The following MCTP1 variants were observed in gnomAD, a reference collection of about 807,000 sequenced individuals.
MCTP1 encodes multiple C2 and transmembrane domain containing 1, also known as multiple C2 and transmembrane domain-containing protein 1.
Under a neutral mutation model 120.6 loss-of-function variants are expected in MCTP1, and 69 were observed. That is an observed-to-expected ratio of 0.57 (90% CI 0.47 to 0.70). The LOEUF (loss-of-function observed/expected upper bound fraction) is 0.70. Ranked by LOEUF, MCTP1 falls within the 30% of genes least tolerant of loss-of-function variation. MCTP1 has a pLI of 0.00. For missense variants in MCTP1, 1,203 were observed against 1,248.8 expected (o/e 0.96, Z 0.55); for synonymous variants, 529 against 493.1 (o/e 1.07, Z -0.96).
intron 1 of MCTP1, among the ~76,000 whole-genome samples, chr5:95,278,546 C>G (rs1305713680): frequency 6.6e-6 from 1 of 152,076 alleles, no homozygotes; most frequent in Non-Finnish European, 1.5e-5. Context: ...AAATAATGAC[C>G]CTCAGTTATC....
chr5:94,795,541 G>A (rs959957161), intron 18 of MCTP1, among the ~76,000 whole-genome samples: 3 of 152,144 alleles, frequency 2.0e-5, no homozygotes, highest in African/African-American at 7.2e-5. Flanking sequence ...ATTTTTCCCA[G>A]GTTTTGAAGT....
chr5:95,007,930 G>T (rs990713456), intron 2 of MCTP1, among the ~76,000 whole-genome samples: 1 of 152,034 alleles, frequency 6.6e-6, no homozygotes, highest in Non-Finnish European at 1.5e-5. Context: ...CTCAACACAG[G>T]ATTTTTTTAA....
intron 1 of MCTP1, among the ~76,000 whole-genome samples, chr5:95,177,655 T>A (rs185576472): frequency 2.3e-4 from 35 of 152,246 alleles, no homozygotes; most frequent in Non-Finnish European, 4.7e-4. Context: ...GATTGGTCAC[T>A]GATCAAGTTG....
At chr5:94,847,025 T>C (rs1792546095) in intron 17 of MCTP1, among the ~76,000 whole-genome samples, 1 of 152,232 alleles carries the variant, frequency 6.6e-6, no homozygotes, top group Non-Finnish European at 1.5e-5. Flanking sequence ...CAGATTTCTG[T>C]GCTCCTAAGA....
intron 19 of MCTP1, among the ~76,000 whole-genome samples, chr5:94,749,318 C>T (rs139608897): frequency 1.1e-4 from 16 of 152,280 alleles, no homozygotes; most frequent in African/African-American, 3.6e-4. Flanking sequence ...ATATGCAACC[C>T]TGTGCCCTGG....
At chr5:94,775,849 GGTAA>G (rs1486033789) in intron 19 of MCTP1, among the ~76,000 whole-genome samples, 1 of 150,326 alleles carries the variant, frequency 6.7e-6, no homozygotes. Flanking sequence ...GAGAATGAAG[GGTAA>G]GTCTGTGGAT....
intron 19 of MCTP1, among the ~76,000 whole-genome samples, chr5:94,772,284 C>T (rs1049902333): frequency 6.6e-6 from 1 of 152,078 alleles, no homozygotes; most frequent in Non-Finnish European, 1.5e-5. Context: ...GATTGTGGAC[C>T]CTGTGCCACC....
intron 17 of MCTP1, among the ~76,000 whole-genome samples, chr5:94,847,631 T>C (rs1295041928): frequency 2.0e-5 from 3 of 148,916 alleles, no homozygotes; most frequent in Non-Finnish European, 4.4e-5. Context: ...ACTGATCATA[T>C]TAAGAAGCAG....
intron 2 of MCTP1, among the ~76,000 whole-genome samples, chr5:94,968,367 T>C (rs1826065512): frequency 6.6e-6 from 1 of 152,204 alleles, no homozygotes; most frequent in Non-Finnish European, 1.5e-5. Flanking sequence ...TTTTTTTGAC[T>C]ATGAGGCCTA....
chr5:95,032,515 G>A (rs1353833365), intron 1 of MCTP1, among the ~76,000 whole-genome samples: 1 of 151,806 alleles, frequency 6.6e-6, no homozygotes, highest in Non-Finnish European at 1.5e-5. Flanking sequence ...AGTTAAGATG[G>A]AAATAAAAAA....
intron 1 of MCTP1, among the ~76,000 whole-genome samples, chr5:95,201,464 G>GTTTTTTTTTTTTTTTTT (rs70978174): frequency 1.0e-5 from 1 of 97,192 alleles, no homozygotes; most frequent in Admixed American, 1.3e-4. Context: ...AGGAAAAGTG[G>GTTTTTTTTTTTTTTTTT]TTTTTTTTTT....
At chr5:94,726,381 T>C (rs901508972) in intron 19 of MCTP1, among the ~76,000 whole-genome samples, 1 of 152,252 alleles carries the variant, frequency 6.6e-6, no homozygotes, top group Non-Finnish European at 1.5e-5. Context: ...CAGTTAAAAC[T>C]ATCAGAATCA....
At chr5:95,117,138 A>G (rs866836208) in intron 1 of MCTP1, among the ~76,000 whole-genome samples, 12 of 152,244 alleles carry the variant, frequency 7.9e-5, no homozygotes, top group South Asian at 2.1e-4. Flanking sequence ...CATATGAAAA[A>G]AAAGCTCTTT....
At chr5:95,107,245 T>C (rs1757146906) in intron 1 of MCTP1, among the ~76,000 whole-genome samples, 1 of 152,212 alleles carries the variant, frequency 6.6e-6, no homozygotes, top group African/African-American at 2.4e-5. Flanking sequence ...GGAAACAGAT[T>C]ACCTTTCCAA....
intron 3 of MCTP1, among the ~76,000 whole-genome samples, chr5:94,943,873 T>G (rs1818318806): frequency 6.6e-6 from 1 of 152,074 alleles, no homozygotes; most frequent in South Asian, 2.1e-4. Context: ...CTGGAGTAAT[T>G]GAGCATAACC....
chr5:95,138,240 C>CCCCT (rs373299855), intron 1 of MCTP1, among the ~76,000 whole-genome samples: 4 of 150,782 alleles, frequency 2.7e-5, no homozygotes, highest in Non-Finnish European at 5.9e-5. Context: ...GCAACCCCCC[C>CCCCT]CCGACATTAA....
At chr5:95,007,822 C>G (rs1234470677) in intron 2 of MCTP1, among the ~76,000 whole-genome samples, 1 of 152,176 alleles carries the variant, frequency 6.6e-6, no homozygotes, top group African/African-American at 2.4e-5. Flanking sequence ...ATATTGTTCT[C>G]ACAACACTTG....
chr5:94,960,239 C>T (rs1488717079), intron 2 of MCTP1, among the ~76,000 whole-genome samples: 1 of 152,016 alleles, frequency 6.6e-6, no homozygotes, highest in Non-Finnish European at 1.5e-5. Flanking sequence ...GAAACTGGAC[C>T]CCTTCCTTAC....
chr5:95,171,848 G>A (rs1747342384), intron 1 of MCTP1, among the ~76,000 whole-genome samples: 1 of 151,284 alleles, frequency 6.6e-6, no homozygotes, highest in Admixed American at 6.6e-5. Flanking sequence ...CTTTGCGATG[G>A]GTTTCAACTT....
Sources: allele counts gnomAD v4.1 joint callset (sites outside exome capture counted in the v4.1 genomes callset), GRCh38; gene constraint gnomAD v4.1.1; transcripts MANE v1.5; gene names NCBI Gene and HGNC (gene_info 2026-07-23, HGNC 2026-07-21).